Variants in GPC6 observed in about 807,000 individuals in gnomAD.
The protein encoded by GPC6 is glypican-6.
In GPC6, 14 loss-of-function variants were observed where a neutral mutation model predicts 55.2. That is an observed-to-expected ratio of 0.25 (90% CI 0.17 to 0.40). GPC6 has a LOEUF of 0.40. Ranked by LOEUF, GPC6 falls within the 10% of genes least tolerant of loss-of-function variation. GPC6 has a pLI of 1.00. For synonymous variants in GPC6, 278 were observed against 259.6 expected (o/e 1.07, Z -0.68); for missense variants, 641 against 708.5 (o/e 0.90, Z 1.08).
chr13:94,312,718 A>ATG (rs1876312640), intron 6 of GPC6, among the ~76,000 whole-genome samples: 4 of 143,436 alleles, frequency 2.8e-5, no homozygotes, highest in African/African-American at 8.7e-5. Flanking sequence ...GCACACGCGC[A>ATG]CGCACACACA....
At chr13:93,366,431 C>T (rs1881250650) in intron 1 of GPC6, among the ~76,000 whole-genome samples, 2 of 152,060 alleles carry the variant, frequency 1.3e-5, no homozygotes, top group Non-Finnish European at 2.9e-5. Flanking sequence ...GTGCAGACTA[C>T]ATGCAGTGTT....
chr13:93,612,019 T>C lies in GPC6; in HGVS notation c.319+66598T>C, dbSNP rs79386933. Reference sequence around the variant, plus strand: ...AAACATAATATTTCAAAATTTAACATAAGTAATATCCAAAACTGCTTAGTA... The same window carrying C: ...AAACATAATATTTCAAAATTTAACACAAGTAATATCCAAAACTGCTTAGTA... On this transcript the variant is annotated intron_variant, in intron 2 of 8. Transcript: ENST00000377047. Among the ~76,000 whole-genome samples, 182 of 152,276 alleles carry C rather than the reference T, an allele frequency of 1.2e-3. 3 individuals carry two copies. The East Asian group carries it at 0.033, about 28-fold the overall frequency.
At chr13:94,114,179 G>C (rs528253206) in intron 4 of GPC6, among the ~76,000 whole-genome samples, 6 of 145,588 alleles carry the variant, frequency 4.1e-5, no homozygotes, top group Admixed American at 3.5e-4. Context: ...TTCTAAGAAA[G>C]GTAAAGTGAC....
At chr13:94,305,501 A>G (rs1017034487) in intron 5 of GPC6, among the ~76,000 whole-genome samples, 1 of 152,214 alleles carries the variant, frequency 6.6e-6, no homozygotes, top group African/African-American at 2.4e-5. Context: ...ATTGAAATCA[A>G]CAAGAAAAAG....
intron 2 of GPC6, among the ~76,000 whole-genome samples, chr13:93,682,666 T>A (rs1005109181): frequency 6.6e-6 from 1 of 152,080 alleles, no homozygotes; most frequent in African/African-American, 2.4e-5. Flanking sequence ...GTTATCAGAA[T>A]CTGCCCATTT....
upstream of GPC6, among the ~76,000 whole-genome samples, chr13:93,222,163 C>A (rs767605362): frequency 7.2e-5 from 11 of 152,010 alleles, no homozygotes; most frequent in Non-Finnish European, 1.2e-4. Context: ...AAAACATGAA[C>A]CAAATGCTAT....
At chr13:94,082,455 C>T (rs1301291868) in intron 4 of GPC6, among the ~76,000 whole-genome samples, 10 of 152,268 alleles carry the variant, frequency 6.6e-5, no homozygotes, top group Admixed American at 6.5e-4. Context: ...CTCGCTATCC[C>T]TTGTGAGTCC....
Position 94,079,406 on chromosome 13 carries a change from A to G in GPC6, c.877+51512A>G, listed in dbSNP as rs112905433. ...AGATAGTTTGAAGTGTGAGATAAAT[A>G]TAAAGACAGGGCCATGCTGTTATTT... On this transcript the variant is annotated intron_variant, in intron 4 of 8. Transcript: ENST00000377047. Among the ~76,000 whole-genome samples, 938 of 152,228 alleles carry G rather than the reference A, an allele frequency of 6.2e-3. 8 individuals carry two copies. The highest frequency in any genetic ancestry group is 0.011 in the Non-Finnish European group (768 of 67,946).
chr13:93,502,112 AGCAATATGTTCAGTTGTGG>A (rs1358191796), intron 1 of GPC6, among the ~76,000 whole-genome samples: 3 of 152,262 alleles, frequency 2.0e-5, no homozygotes, highest in Admixed American at 2.0e-4. Flanking sequence ...TTCATTAAGT[AGCAATATGTTCAGTTGTGG>A]GAAATTGTTA....
Position 93,555,955 on chromosome 13 carries a change from A to T in GPC6, c.319+10534A>T, listed in dbSNP as rs1875440428. Among the ~76,000 whole-genome samples, 3 of 152,296 alleles carry T rather than the reference A, an allele frequency of 2.0e-5. 1 individual carries two copies. In the Middle Eastern group the frequency reaches 0.01, roughly 518 times the overall value. On this transcript the variant is annotated intron_variant, in intron 2 of 8. Transcript: ENST00000377047. ...TGTAGAGCTGGGGCAAAGAAATTTG[A>T]CAGAAGTTTTTGAATCTTTCTTCTG...
At chr13:94,193,227 A>G (rs1433872120) in intron 4 of GPC6, among the ~76,000 whole-genome samples, 1 of 152,160 alleles carries the variant, frequency 6.6e-6, no homozygotes, top group Non-Finnish European at 1.5e-5. Flanking sequence ...TAGTTTGTAT[A>G]GTTTCTAATG....
intron 3 of GPC6, among the ~76,000 whole-genome samples, chr13:93,868,247 CT>C (rs1442484330): frequency 6.6e-6 from 1 of 151,710 alleles, no homozygotes; most frequent in African/African-American, 2.4e-5. Context: ...TCATCTCATG[CT>C]TTTTCAGTAA....
chr13:93,338,428 G>A (rs139894757), intron 1 of GPC6, among the ~76,000 whole-genome samples: 112 of 152,160 alleles, frequency 7.4e-4, no homozygotes, highest in African/African-American at 2.7e-3. Flanking sequence ...TAGTGCCCTC[G>A]CTGAGTCTCC....
At chr13:93,583,967 G>C (rs1247042808) in intron 2 of GPC6, among the ~76,000 whole-genome samples, 2 of 152,110 alleles carry the variant, frequency 1.3e-5, no homozygotes, top group African/African-American at 4.8e-5. Flanking sequence ...AATCAGGAGT[G>C]GTTCATACTC....
chr13:93,234,050 A>G (rs1876149674), intron 1 of GPC6, among the ~76,000 whole-genome samples: 1 of 152,072 alleles, frequency 6.6e-6, no homozygotes, highest in African/African-American at 2.4e-5. Context: ...ACTCTGTAAA[A>G]CTGTACCTGT....
At chr13:93,294,830 A>G (rs771513677) in intron 1 of GPC6, among the ~76,000 whole-genome samples, 1 of 152,070 alleles carries the variant, frequency 6.6e-6, no homozygotes, top group Non-Finnish European at 1.5e-5. Flanking sequence ...TCACGTATCC[A>G]ACTACCTACT....
At chr13:93,486,421 C>T (rs1031901127) in intron 1 of GPC6, among the ~76,000 whole-genome samples, 2 of 152,092 alleles carry the variant, frequency 1.3e-5, no homozygotes, top group East Asian at 1.9e-4. Flanking sequence ...TTTTGGAATA[C>T]TGTTAACAGG....
chr13:93,440,146 CA>C (rs1341306406), intron 1 of GPC6, among the ~76,000 whole-genome samples: 5 of 152,244 alleles, frequency 3.3e-5, no homozygotes, highest in Middle Eastern at 3.4e-3. Flanking sequence ...ACCTGATAAT[CA>C]AGGCCAAGAG....
chr13:93,311,024 T>C (rs539707934), intron 1 of GPC6, among the ~76,000 whole-genome samples: 2 of 152,324 alleles, frequency 1.3e-5, no homozygotes, highest in South Asian at 4.1e-4. Context: ...CTTTCTGATA[T>C]AAAAATGAAG....
Sources: gnomAD v4.1 joint callset for allele counts (sites outside exome capture counted in the v4.1 genomes callset) on GRCh38, gnomAD v4.1.1 for gene constraint, MANE v1.5 for transcripts, NCBI Gene and HGNC (gene_info 2026-07-23, HGNC 2026-07-21) for gene names.